The following GSN variants were observed in gnomAD, a reference collection of about 807,000 sequenced individuals.
GSN encodes gelsolin, also known as actin-depolymerizing factor.
Under a neutral mutation model 85.7 loss-of-function variants are expected in GSN, and 56 were observed. That is an observed-to-expected ratio of 0.65 (90% CI 0.53 to 0.82). The LOEUF (loss-of-function observed/expected upper bound fraction) is 0.82, where lower values mean the gene tolerates loss of function less well. Ranked by LOEUF, GSN falls within the 40% of genes least tolerant of loss-of-function variation. The probability of loss-of-function intolerance (pLI) is 0.00; values close to 1 mark genes in which losing one functional copy is unlikely to be tolerated. For missense variants in GSN, 857 were observed against 979.8 expected (o/e 0.87, Z 1.67); for synonymous variants, 373 against 399.1 (o/e 0.93, Z 0.78).
At chr9:121,267,469 A>G (rs1203504253), upstream of GSN, among the ~76,000 whole-genome samples, 1 of 152,136 alleles carries the variant, frequency 6.6e-6, no homozygotes, top group Admixed American at 6.5e-5. Flanking sequence ...CAACCGCCCC[A>G]TGAAGCGGCA....
intron 6 of GSN, among the ~76,000 whole-genome samples, chr9:121,255,616 G>A (rs1415888153): frequency 6.6e-6 from 1 of 152,092 alleles, no homozygotes; most frequent in Non-Finnish European, 1.5e-5. Flanking sequence ...TATAGCTTGA[G>A]AATGCCCCCA....
chr9:121,230,693 G>A lies in GSN; in HGVS notation c.-527-472G>A, dbSNP rs185049700. Among the ~76,000 whole-genome samples the A allele has an allele frequency of 3.6e-3, 551 of 152,182 alleles. 6 individuals are homozygous for A. The highest frequency in any genetic ancestry group is 0.013 in the African/African-American group (525 of 41,516). On this transcript the variant is annotated intron_variant, in intron 4 of 24. Coordinates refer to the GSN transcript ENST00000373823. The stretch of plus-strand genomic sequence containing the variant: ...TCATACCCACCTCATAGTTAAATGG[G>A]TTCATTCATAGAAAGTGCCTAGTGT...
intron 12 of GSN, 33 bp downstream of exon 12, chr9:121,324,677 G>A (rs2062930284): frequency 9.5e-7 from 1 of 1,056,564 alleles, no homozygotes; most frequent in Non-Finnish European, 1.4e-6. Flanking sequence ...CTGGGCTGCA[G>A]CCTGAGCCTT....
At chr9:121,228,422 A>ATTTTTTT (rs1309338321) in intron 4 of GSN, among the ~76,000 whole-genome samples, 1 of 58,186 alleles carries the variant, frequency 1.7e-5, no homozygotes, top group Non-Finnish European at 2.9e-5. Context: ...ATATATATAT[A>ATTTTTTT]TATTTTTTTT....
rs753432646 is a variant in GSN at position 121,332,442 on chromosome 9, T to C, written c.2035T>C (p.Tyr679His). Residue 679 changes from tyrosine to histidine, a missense_variant, in exon 18 of 18, where the codon TAC (tyrosine) becomes CAC (histidine). Tyr to His is a moderately conservative substitution (Grantham distance 83). Coordinates refer to ENST00000432226, the MANE Select transcript of GSN (RefSeq NM_198252.3). The surrounding 1 kb of genome is among the most constrained non-coding windows in gnomAD (Gnocchi z 4.8). ...TGCACGTGTGTCTGCAGCTAAGCGG[T>C]ACATCGAGACGGACCCAGCCAATCG... ...KTEALTSAKRYIETDPANRDR... is the reference protein window; with the variant it reads ...KTEALTSAKRHIETDPANRDR... 6.2e-7 allele frequency: 1 copy of C among 1,614,104 alleles called. No homozygotes were observed. The highest frequency in any genetic ancestry group is 8.5e-7 in the Non-Finnish European group (1 of 1,179,946).
intron 5 of GSN, chr9:121,238,896 T>A: frequency 1.9e-6 from 1 of 536,682 alleles, no homozygotes; most frequent in Non-Finnish European, 3.8e-6. Flanking sequence ...GCTGGTTACA[T>A]ACATCTGCAT....
At chr9:121,326,069 G>A (rs1216445162) in intron 12 of GSN, among the ~76,000 whole-genome samples, 3 of 150,706 alleles carry the variant, frequency 2.0e-5, no homozygotes, top group South Asian at 2.1e-4. Context: ...ACTGCTGCCC[G>A]CATCTGGGGT....
intron 5 of GSN, among the ~76,000 whole-genome samples, chr9:121,236,495 G>A (rs1477361170): frequency 6.6e-6 from 1 of 152,134 alleles, no homozygotes; most frequent in African/African-American, 2.4e-5. Flanking sequence ...TTACAGGCAT[G>A]AGCCACCATG....
intron 5 of GSN, among the ~76,000 whole-genome samples, chr9:121,233,585 A>C (rs1277616666): frequency 1.3e-5 from 2 of 152,216 alleles, no homozygotes; most frequent in Non-Finnish European, 2.9e-5. Flanking sequence ...TTAAACCTTC[A>C]GATGGTTCCA....
At chr9:121,212,721 G>A (rs1302889782) in intron 4 of GSN, among the ~76,000 whole-genome samples, 1 of 149,400 alleles carries the variant, frequency 6.7e-6, no homozygotes, top group Non-Finnish European at 1.5e-5. Flanking sequence ...TCTACTCACT[G>A]CAACCTCCTA....
At chr9:121,224,390 C>T (rs1428456283) in intron 4 of GSN, among the ~76,000 whole-genome samples, 7 of 152,074 alleles carry the variant, frequency 4.6e-5, no homozygotes, top group African/African-American at 1.7e-4. Context: ...TGAGCCACCG[C>T]GCCCGGTCTA....
intron 7 of GSN, among the ~76,000 whole-genome samples, chr9:121,314,344 T>C (rs2061490407): frequency 6.6e-6 from 1 of 152,222 alleles, no homozygotes; most frequent in Admixed American, 6.5e-5. Context: ...ATAAAATGGA[T>C]GTGAAAACAG....
At position 121,318,435 on chromosome 9, in the gene GSN, G is replaced by C; in HGVS notation, c.916G>C (p.Ala306Pro). Residue 306 changes from alanine to proline, a missense_variant, in exon 9 of 18, where the codon GCT becomes CCT. Physicochemically the swap from Ala to Pro is conservative, Grantham distance 27. Coordinates refer to ENST00000432226, the MANE Select transcript of GSN (RefSeq NM_198252.3). This position sits in a 1 kb window ranked among gnomAD's most constrained non-coding sequence, Gnocchi z 4.3. ...GKQANTEERKAALKTASDFIT... is the reference protein window; with the variant it reads ...GKQANTEERKPALKTASDFIT... ...GCAGGCAAACACGGAGGAGAGGAAG[G>C]CTGCCCTCAAAACAGCCTCTGACTT... is the stretch of plus-strand genomic sequence containing the variant. 6.2e-7 allele frequency: 1 copy of C among 1,614,158 alleles called. No individual in the cohort carries two copies. Among genetic ancestry groups the C allele is most frequent in the Non-Finnish European group, 8.5e-7 (1 of 1,180,002 alleles).
rs1589272168 is a variant in GSN, at chr9:121,332,323, T to C, written c.2027-111T>C. The C allele has an allele frequency of 1.0e-6, 1 of 992,666 alleles. No individual in the cohort carries two copies. The allele number at this position is 992,666 out of a possible 1,614,324, so 61.5% of individuals were successfully genotyped here. On this transcript the variant is annotated intron_variant, in intron 17 of 17. Transcript: ENST00000432226. This position sits in a 1 kb window ranked among gnomAD's most constrained non-coding sequence, Gnocchi z 4.8. ...GGCAGGGGGTGGGCAGTAGGGACAG[T>C]AGGACCATAGACCCTCTTCTTTGTC...
rs920284247 is a variant in GSN at position 121,299,264 on chromosome 9, T to C, written c.-9-2699T>C. Reference sequence around the variant, plus strand: ...CCCTCTGAGTCCTGCCGGCTTCACCTGCCCACGGGAGCCGGGTCCCCTGCC... The same window carrying C: ...CCCTCTGAGTCCTGCCGGCTTCACCCGCCCACGGGAGCCGGGTCCCCTGCC... On this transcript the variant is annotated intron_variant, in intron 2 of 17. Transcript: ENST00000432226. The surrounding 1 kb of genome is among the most constrained non-coding windows in gnomAD (Gnocchi z 4.2). 1 of 984,422 alleles carries C rather than the reference T, an allele frequency of 1.0e-6. No homozygotes were observed. The highest frequency in any genetic ancestry group is 1.2e-6 in the Non-Finnish European group (1 of 829,102). The allele number at this position is 984,422 out of a possible 1,614,324, so 61.0% of individuals were successfully genotyped here.
chr9:121,330,057 G>A (rs1409598549), intron 16 of GSN, among the ~76,000 whole-genome samples: 1 of 152,066 alleles, frequency 6.6e-6, no homozygotes, highest in Non-Finnish European at 1.5e-5. Flanking sequence ...TTGGAAGATC[G>A]GGACCAAAAA....
intron 4 of GSN, among the ~76,000 whole-genome samples, chr9:121,224,222 G>A (rs1224485697): frequency 6.6e-6 from 1 of 151,704 alleles, no homozygotes; most frequent in Non-Finnish European, 1.5e-5. Flanking sequence ...TCAGCCTCCC[G>A]AGTAGCTGGG....
At chr9:121,265,391 T>G (rs1267081601), upstream of GSN, 1 of 152,248 alleles carries the variant, frequency 6.6e-6, no homozygotes, top group Non-Finnish European at 1.5e-5. Flanking sequence ...ATGGCAGCCT[T>G]GGCCTTCAGA....
chr9:121,230,021 A>G (rs1025503958), intron 4 of GSN, among the ~76,000 whole-genome samples: 2 of 152,214 alleles, frequency 1.3e-5, no homozygotes, highest in African/African-American at 4.8e-5. Flanking sequence ...ATGTGTAGAA[A>G]TCCTTTGAGT....
Sources: gnomAD v4.1 joint callset for allele counts (sites outside exome capture counted in the v4.1 genomes callset) on GRCh38, gnomAD v4.1.1 for gene constraint, Gnocchi (gnomAD v3.1) non-coding constraint, MANE v1.5 for transcripts, NCBI Gene and HGNC (gene_info 2026-07-23, HGNC 2026-07-21) for gene names.